Variants in SCHIP1 observed in about 807,000 individuals in gnomAD.
SCHIP1 encodes the protein schwannomin-interacting protein 1.
SCHIP1 carries 8 observed loss-of-function variants against 29.7 expected under a neutral mutation model. That is an observed-to-expected ratio of 0.27 (90% CI 0.16 to 0.49). The LOEUF (loss-of-function observed/expected upper bound fraction) is 0.49, where lower values mean the gene tolerates loss of function less well. Among genes scored for constraint, SCHIP1 ranks in the 20% least tolerant of loss-of-function variants. SCHIP1 has a pLI of 0.99. For synonymous variants in SCHIP1, 76 were observed against 94.9 expected (o/e 0.80, Z 1.16); for missense variants, 193 against 294.6 (o/e 0.66, Z 2.52).
At chr3:159,823,439 C>T in the SCHIP1 span, among the ~76,000 whole-genome samples, 1 of 152,130 alleles carries the variant, frequency 6.6e-6, no homozygotes, top group Admixed American at 6.5e-5. Flanking sequence ...CATCAACGAC[C>T]TCAGTTAGAT....
the SCHIP1 span, among the ~76,000 whole-genome samples, chr3:159,609,659 G>A: frequency 6.6e-6 from 1 of 152,218 alleles, no homozygotes; most frequent in East Asian, 1.9e-4. Flanking sequence ...CTTCCCACTA[G>A]GTGGGAGATG....
At chr3:159,711,070 C>T in the SCHIP1 span, among the ~76,000 whole-genome samples, 3 of 152,096 alleles carry the variant, frequency 2.0e-5, no homozygotes, top group Non-Finnish European at 4.4e-5. Context: ...ATTAATAACA[C>T]TAGTTTCATT....
the SCHIP1 span, among the ~76,000 whole-genome samples, chr3:159,469,737 C>A: frequency 1.6e-4 from 24 of 152,232 alleles, no homozygotes; most frequent in African/African-American, 5.5e-4. Flanking sequence ...TGAGTTATTT[C>A]ATTTATTCAA....
chr3:159,459,161 A>G, the SCHIP1 span, among the ~76,000 whole-genome samples: 1 of 152,132 alleles, frequency 6.6e-6, no homozygotes, highest in African/African-American at 2.4e-5. Context: ...GCACTCAATC[A>G]TGTTTGCTGT....
chr3:159,607,592 C>A, the SCHIP1 span, among the ~76,000 whole-genome samples: 1 of 152,042 alleles, frequency 6.6e-6, no homozygotes, highest in Admixed American at 6.6e-5. Flanking sequence ...GGCTGCAAAA[C>A]CTAGCAGCAC....
At chr3:159,764,260 GA>G in the SCHIP1 span, 1 of 597,630 alleles carries the variant, frequency 1.7e-6, no homozygotes, top group Non-Finnish European at 2.7e-6. The surrounding 1 kb of genome is among the most constrained non-coding windows in gnomAD (Gnocchi z 6.1). Context: ...TGTGCGAGAG[GA>G]AAGGCGGGCA....
At chr3:159,513,370 G>A in the SCHIP1 span, among the ~76,000 whole-genome samples, 3 of 152,084 alleles carry the variant, frequency 2.0e-5, no homozygotes, top group South Asian at 2.1e-4. Flanking sequence ...TTAAGAACCT[G>A]GATAAGCTTG....
At chr3:159,660,690 G>A in the SCHIP1 span, among the ~76,000 whole-genome samples, 5 of 152,262 alleles carry the variant, frequency 3.3e-5, no homozygotes, top group South Asian at 6.2e-4. Flanking sequence ...AGTGATTAGG[G>A]CAAGATGAAA....
chr3:159,742,784 C>T, the SCHIP1 span, among the ~76,000 whole-genome samples: 3 of 151,650 alleles, frequency 2.0e-5, no homozygotes, highest in Non-Finnish European at 4.4e-5. Flanking sequence ...TTTCCTGCCT[C>T]AGCCTTCCAA....
chr3:159,398,866 G>A, the SCHIP1 span: 6 of 463,716 alleles, frequency 1.3e-5, no homozygotes, highest in African/African-American at 1.1e-4. Context: ...TTGAGTTTTA[G>A]TACCTTAGGA....
At chr3:159,497,978 C>T in the SCHIP1 span, among the ~76,000 whole-genome samples, 5 of 152,140 alleles carry the variant, frequency 3.3e-5, no homozygotes, top group Non-Finnish European at 7.4e-5. Flanking sequence ...ACTGGAAGGG[C>T]AGAAACTTAT....
At chr3:159,675,561 C>T in the SCHIP1 span, among the ~76,000 whole-genome samples, 1 of 152,200 alleles carries the variant, frequency 6.6e-6, no homozygotes, top group Non-Finnish European at 1.5e-5. Context: ...AGGAAACTGC[C>T]TTCCAGGCCC....
chr3:159,623,337 T>C, the SCHIP1 span, among the ~76,000 whole-genome samples: 3 of 152,262 alleles, frequency 2.0e-5, no homozygotes, highest in Non-Finnish European at 2.9e-5. Context: ...TTTAAAGTTG[T>C]TATAATGTTG....
At chr3:159,662,180 C>T in the SCHIP1 span, among the ~76,000 whole-genome samples, 1 of 152,210 alleles carries the variant, frequency 6.6e-6, no homozygotes, top group African/African-American at 2.4e-5. Context: ...TTTAAAATAG[C>T]CAATCAGAAT....
chr3:159,278,454 C>G, the SCHIP1 span, among the ~76,000 whole-genome samples: 2 of 152,144 alleles, frequency 1.3e-5, no homozygotes, highest in Non-Finnish European at 2.9e-5. Context: ...CATAGAGATA[C>G]TACAATGCAT....
the SCHIP1 span, among the ~76,000 whole-genome samples, chr3:159,315,923 C>T: frequency 1.8e-5 from 2 of 113,844 alleles, no homozygotes; most frequent in African/African-American, 2.9e-5. Flanking sequence ...ATTTTTTTGT[C>T]GGGGAGGGGG....
chr3:159,543,721 G>A, the SCHIP1 span, among the ~76,000 whole-genome samples: 1 of 151,932 alleles, frequency 6.6e-6, no homozygotes, highest in Admixed American at 6.6e-5. Flanking sequence ...ATAATCCTTT[G>A]GGTATACACC....
At chr3:159,375,930 GA>G in the SCHIP1 span, 1 of 171,876 alleles carries the variant, frequency 5.8e-6, no homozygotes, top group African/African-American at 2.4e-5. Context: ...TAATGTTGAA[GA>G]AGCACTTACA....
At chr3:159,541,335 A>G in the SCHIP1 span, among the ~76,000 whole-genome samples, 8,694 of 152,218 alleles carry the variant, frequency 0.057, 320 homozygotes, top group Non-Finnish European at 0.091. Context: ...CTACAGGGGC[A>G]TAAACATTCT....
Sources: allele counts gnomAD v4.1 joint callset (sites outside exome capture counted in the v4.1 genomes callset), GRCh38; gene constraint gnomAD v4.1.1; non-coding constraint Gnocchi (gnomAD v3.1); transcripts MANE v1.5; gene names NCBI Gene and HGNC (gene_info 2026-07-23, HGNC 2026-07-21).